PRKN: variants seen among roughly 807,000 people sequenced by gnomAD.
The protein encoded by PRKN is parkin RBR E3 ubiquitin protein ligase.
Under a neutral mutation model 59.5 loss-of-function variants are expected in PRKN, and 56 were observed. The ratio of observed to expected loss-of-function variants is 0.94; its 90% CI spans 0.76 to 1.18. The LOEUF (loss-of-function observed/expected upper bound fraction) is 1.18. Ranked by LOEUF, PRKN falls within the 50% of genes most tolerant of loss-of-function variation. The probability of loss-of-function intolerance (pLI) is 0.00; values close to 1 mark genes in which losing one functional copy is unlikely to be tolerated. For synonymous variants in PRKN, 250 were observed against 222.1 expected (o/e 1.13, Z -1.12); for missense variants, 657 against 596.4 (o/e 1.10, Z -1.06).
intron 2 of PRKN, among the ~76,000 whole-genome samples, chr6:162,404,500 A>T (rs1354774494): frequency 6.6e-6 from 1 of 152,184 alleles, no homozygotes; most frequent in Non-Finnish European, 1.5e-5. Flanking sequence ...CATGTCCTTT[A>T]GGATTCCAAA....
At chr6:162,353,562 A>G (rs1240491990) in intron 2 of PRKN, among the ~76,000 whole-genome samples, 1 of 152,186 alleles carries the variant, frequency 6.6e-6, no homozygotes, top group Admixed American at 6.6e-5. Flanking sequence ...TTTGAAGAAT[A>G]TTAAAGGTAA....
rs1583041883 is a variant in PRKN at position 161,417,825 on chromosome 6, C to G, written c.1084-30948G>C. On this transcript the variant is annotated intron_variant, in intron 9 of 11. Transcript: ENST00000366898. This position sits in a 1 kb window ranked among gnomAD's most constrained non-coding sequence, Gnocchi z 5.4. ...TTGTAAATCAACAGTGTCTAATAAT[C>G]CCCCAAGGACAGGGCCCTAGGCAAA... Among the ~76,000 whole-genome samples, 1 of 152,218 alleles carries G rather than the reference C, an allele frequency of 6.6e-6. No individual in the cohort carries two copies. The highest frequency in any genetic ancestry group is 6.5e-5 in the Admixed American group (1 of 15,288).
intron 6 of PRKN, among the ~76,000 whole-genome samples, chr6:161,959,109 T>C (rs1427810527): frequency 6.6e-6 from 1 of 152,206 alleles, no homozygotes; most frequent in Non-Finnish European, 1.5e-5. Flanking sequence ...CTTCTAATAC[T>C]GTCCTAAACA....
In PRKN at chr6:161,470,402, A is replaced by C. The variant is rs1045301761; in HGVS notation, c.1083+78452T>G. On this transcript the variant is annotated intron_variant, in intron 9 of 11. Coordinates refer to ENST00000366898, the MANE Select transcript of PRKN (RefSeq NM_004562.3). This position sits in a 1 kb window ranked among gnomAD's most constrained non-coding sequence, Gnocchi z 5.1. ...GGTGGAAGACCTGAGGTTTTCCTCT[A>C]GGTAGAAGGAACTCCCATTATGAAC... Among the ~76,000 whole-genome samples the C allele has an allele frequency of 4.6e-5, 7 of 152,148 alleles. No individual in the cohort carries two copies. The highest frequency in any genetic ancestry group is 1.7e-4 in the African/African-American group (7 of 41,430).
intron 4 of PRKN, among the ~76,000 whole-genome samples, chr6:162,133,364 A>G (rs1781447983): frequency 6.6e-6 from 1 of 152,226 alleles, no homozygotes; most frequent in South Asian, 2.1e-4. Flanking sequence ...CAGGAGTCAG[A>G]TAGGACTTGA....
At chr6:161,517,767 A>G (rs1562499848) in intron 9 of PRKN, among the ~76,000 whole-genome samples, 18 of 140,240 alleles carry the variant, frequency 1.3e-4, no homozygotes, top group East Asian at 2.2e-4. Context: ...AAAAAAAAAG[A>G]GTTGAGGTGG....
chr6:161,887,545 CTT>C (rs1267144502), intron 6 of PRKN, among the ~76,000 whole-genome samples: 3 of 152,152 alleles, frequency 2.0e-5, no homozygotes, highest in African/African-American at 7.2e-5. Flanking sequence ...GTTAGTGAAA[CTT>C]TTCAAGGTCG....
intron 6 of PRKN, among the ~76,000 whole-genome samples, chr6:161,802,969 G>A (rs562103726): frequency 6.6e-6 from 1 of 152,116 alleles, no homozygotes. Context: ...AACAGGTGAT[G>A]TGAGAAGGGT....
chr6:161,869,356 G>A (rs928219603), intron 6 of PRKN, among the ~76,000 whole-genome samples: 2 of 151,842 alleles, frequency 1.3e-5, no homozygotes, highest in Non-Finnish European at 2.9e-5. Context: ...TCCAGCCTGA[G>A]CGACAGAGCA....
At chr6:162,638,559 T>G (rs920039881) in intron 1 of PRKN, among the ~76,000 whole-genome samples, 2 of 152,072 alleles carry the variant, frequency 1.3e-5, no homozygotes, top group African/African-American at 4.8e-5. Flanking sequence ...CATGTTAGCT[T>G]CTCTATCTTC....
intron 9 of PRKN, among the ~76,000 whole-genome samples, chr6:161,406,566 A>G (rs1787286641): frequency 6.6e-6 from 1 of 152,114 alleles, no homozygotes; most frequent in Non-Finnish European, 1.5e-5. Context: ...TTTGAGTGCA[A>G]TGCTCTATAT....
At position 162,155,919 on chromosome 6, in the gene PRKN, G is replaced by A. The variant is rs181654222; in HGVS notation, c.534+45212C>T. Among the ~76,000 whole-genome samples the A allele has an allele frequency of 2.3e-3, 352 of 152,208 alleles. 2 individuals carry two copies. Among genetic ancestry groups the A allele is most frequent in the African/African-American group, 8.0e-3 (333 of 41,526 alleles). ...TAAGATGCATAGAATAAGGTACAAT[G>A]TCTAAAGAATGCAAAAGGATGGAGG... is the stretch of plus-strand genomic sequence containing the variant. On this transcript the variant is annotated intron_variant, in intron 4 of 11. Coordinates refer to ENST00000366898, the MANE Select transcript of PRKN (RefSeq NM_004562.3).
chr6:161,390,050 T>A lies in PRKN; in HGVS notation c.1084-3173A>T, dbSNP rs1786438168. Among the ~76,000 whole-genome samples, 1 of 152,254 alleles carries A rather than the reference T, an allele frequency of 6.6e-6. No homozygotes were observed. Among genetic ancestry groups the A allele is most frequent in the Non-Finnish European group, 1.5e-5 (1 of 68,044 alleles). On this transcript the variant is annotated intron_variant, in intron 9 of 11. Coordinates refer to ENST00000366898, the MANE Select transcript of PRKN (RefSeq NM_004562.3). The surrounding 1 kb of genome is among the most constrained non-coding windows in gnomAD (Gnocchi z 7.0). ...CGGTGATGACTTCACAGGGAGGCAC[T>A]GGCTAATTTGCTTCTATTCAAAGTA...
chr6:161,678,498 A>G (rs931368194), intron 7 of PRKN, among the ~76,000 whole-genome samples: 12 of 151,860 alleles, frequency 7.9e-5, no homozygotes, highest in Admixed American at 7.9e-4. Flanking sequence ...TTATAAATAC[A>G]GGTCATATAT....
chr6:162,252,555 A>G (rs1035572421), intron 3 of PRKN, among the ~76,000 whole-genome samples: 1 of 152,228 alleles, frequency 6.6e-6, no homozygotes, highest in Non-Finnish European at 1.5e-5. Context: ...TGATTAGGTC[A>G]TGAGTATGGA....
intron 5 of PRKN, among the ~76,000 whole-genome samples, chr6:162,023,531 T>C (rs551435484): frequency 1.3e-5 from 2 of 152,190 alleles, no homozygotes; most frequent in South Asian, 2.1e-4. Context: ...CTGCCGGTGT[T>C]TGTCGGTGTG....
At chr6:161,887,593 G>A (rs979906028) in intron 6 of PRKN, among the ~76,000 whole-genome samples, 6 of 151,742 alleles carry the variant, frequency 4.0e-5, no homozygotes, top group African/African-American at 7.3e-5. Context: ...ATTCAACAAT[G>A]TTAGGGGTCA....
intron 6 of PRKN, among the ~76,000 whole-genome samples, chr6:161,951,986 A>G (rs1780007904): frequency 6.6e-6 from 1 of 152,172 alleles, no homozygotes; most frequent in African/African-American, 2.4e-5. Context: ...TCCAAACACA[A>G]ACACAAGCCC....
At position 161,458,108 on chromosome 6, in the gene PRKN, T is replaced by A. The variant is rs1013665113; in HGVS notation, c.1084-71231A>T. On this transcript the variant is annotated intron_variant, in intron 9 of 11. Transcript: ENST00000366898. The surrounding 1 kb of genome is among the most constrained non-coding windows in gnomAD (Gnocchi z 6.1). ...AAAGAGAAATACAGCTCTTTGTACA[T>A]TCAGATTCCTTTAGCTTGAAAGAAA... is the stretch of plus-strand genomic sequence containing the variant. Among the ~76,000 whole-genome samples the A allele has an allele frequency of 1.3e-5, 2 of 152,178 alleles. No homozygotes were observed. The highest frequency in any genetic ancestry group is 2.9e-5 in the Non-Finnish European group (2 of 68,024).
Sources: gnomAD v4.1 joint callset for allele counts (sites outside exome capture counted in the v4.1 genomes callset) on GRCh38, gnomAD v4.1.1 for gene constraint, Gnocchi (gnomAD v3.1) non-coding constraint, MANE v1.5 for transcripts, NCBI Gene and HGNC (gene_info 2026-07-23, HGNC 2026-07-21) for gene names.